The following GNB5 variants were observed in gnomAD, a reference collection of about 807,000 sequenced individuals.
GNB5 encodes the protein G protein subunit beta 5, also known as guanine nucleotide-binding protein subunit beta-5.
A neutral mutation model predicts 55.3 loss-of-function variants in GNB5; 37 were observed. That is an observed-to-expected ratio of 0.67 (90% CI 0.51 to 0.88). The LOEUF is 0.88. Ranked by LOEUF, GNB5 falls within the 40% of genes least tolerant of loss-of-function variation. GNB5 has a pLI of 0.00. For missense variants in GNB5, 476 were observed against 515.3 expected (o/e 0.92, Z 0.74); for synonymous variants, 219 against 198.5 (o/e 1.10, Z -0.87).
At chr15:52,140,018 A>AATGAGATGTCTTT in intron 7 of GNB5, 2 of 1,153,322 alleles carry the variant, frequency 1.7e-6, no homozygotes, top group Non-Finnish European at 2.2e-6. Context: ...CAGTGGCCAC[A>AATGAGATGTCTTT]GCGCCCCCTG....
intron 11 of GNB5, 118 bp from the exon 12 acceptor site, chr15:52,124,757 C>G: frequency 1.2e-6 from 1 of 824,584 alleles, no homozygotes; most frequent in Non-Finnish European, 2.0e-6. Flanking sequence ...GTCCTAGGCA[C>G]TGTGCTTTGC....
rs76043124 is a variant in GNB5, at chr15:52,141,915, C to T, written c.495-643G>A. ...CAGGATCCAGGGACCAACCAAGGCT[C>T]ACATATTGCATTCATTTGTTATGTC... On this transcript the variant is annotated intron_variant, in intron 6 of 12. Coordinates refer to ENST00000261837, the MANE Select transcript of GNB5 (RefSeq NM_016194.4). 8.1e-3 allele frequency among the ~76,000 whole-genome samples: 1,227 copies of T among 152,292 alleles called. 19 individuals are homozygous for T. The highest frequency in any genetic ancestry group is 0.028 in the African/African-American group (1,177 of 41,564).
At chr15:52,135,819 A>C in intron 7 of GNB5, 63 bp from the exon 8 acceptor site, 1 of 1,542,650 alleles carries the variant, frequency 6.5e-7, no homozygotes. Context: ...GGGGCAGTCA[A>C]TCAGAGGCTT....
At chr15:52,142,897 G>A (rs1349324903) in intron 6 of GNB5, among the ~76,000 whole-genome samples, 1 of 151,444 alleles carries the variant, frequency 6.6e-6, no homozygotes, top group Non-Finnish European at 1.5e-5. Context: ...GCTCACATCT[G>A]TAATCCTAGC....
intron 3 of GNB5, among the ~76,000 whole-genome samples, chr15:52,174,131 C>T (rs561030495): frequency 1.3e-5 from 2 of 152,164 alleles, no homozygotes; most frequent in East Asian, 1.9e-4. Context: ...CTCAGAATCA[C>T]GTGAGCCTTG....
chr15:52,179,530 C>A (rs1423569054), intron 3 of GNB5, among the ~76,000 whole-genome samples: 4 of 151,812 alleles, frequency 2.6e-5, no homozygotes, highest in Non-Finnish European at 5.9e-5. Context: ...CGCTAGCTGG[C>A]GGCGGGGGTC....
chr15:52,141,478 G>C (rs1373642923), intron 6 of GNB5, among the ~76,000 whole-genome samples: 1 of 149,996 alleles, frequency 6.7e-6, no homozygotes, highest in African/African-American at 2.5e-5. Context: ...CTGTTGGCCA[G>C]GTTGGTCTTG....
intron 7 of GNB5, chr15:52,140,133 G>T: frequency 3.6e-6 from 1 of 281,048 alleles, no homozygotes; most frequent in Non-Finnish European, 6.2e-6. Context: ...GTCAGCAATT[G>T]AACAATTACC....
In GNB5 at chr15:52,126,053, CA is replaced by C. The variant is rs756268972; in HGVS notation, c.913-10del. The C allele has an allele frequency of 1.4e-6, 2 of 1,411,300 alleles. No homozygotes were observed. The highest frequency in any genetic ancestry group is 2.8e-5 in the African/African-American group (2 of 70,818). 87.4% of individuals were successfully genotyped at this position (1,411,300 alleles called of 1,614,324 possible). On this transcript the variant is annotated splice_polypyrimidine_tract_variant and intron_variant, in intron 10 of 12. Coordinates refer to ENST00000261837, the MANE Select transcript of GNB5 (RefSeq NM_016194.4). ...AGGTCATAGAGGCGACACTGGGGAG[CA>C]AATAAATAAAGAAGCACTTACTTCT...
intron 3 of GNB5, among the ~76,000 whole-genome samples, chr15:52,157,500 TC>T (rs1448982301): frequency 6.6e-6 from 1 of 152,094 alleles, no homozygotes; most frequent in East Asian, 1.9e-4. Context: ...CACCTCCACC[TC>T]CCAAAGTGCT....
At position 52,179,520 on chromosome 15, in the gene GNB5, C is replaced by G. The variant is rs1406467814; in HGVS notation, c.238+248G>C. 7.2e-5 allele frequency among the ~76,000 whole-genome samples: 11 copies of G among 151,904 alleles called. 1 individual carries two copies. Among genetic ancestry groups the G allele is most frequent in the Admixed American group, 7.2e-4 (11 of 15,262 alleles). ...GAGGATAGCTAGTCCCGCGGTCCTC[C>G]GCTAGCTGGCGGCGGGGGTCGGCCA... On this transcript the variant is annotated intron_variant, in intron 3 of 12. Coordinates refer to ENST00000261837, the MANE Select transcript of GNB5 (RefSeq NM_016194.4).
chr15:52,174,346 A>C (rs2034608037), intron 3 of GNB5, among the ~76,000 whole-genome samples: 1 of 152,252 alleles, frequency 6.6e-6, no homozygotes. Flanking sequence ...CACTGTAACC[A>C]TATGATTCTA....
intron 2 of GNB5, among the ~76,000 whole-genome samples, chr15:52,183,124 G>GA (rs1177958267): frequency 6.6e-6 from 1 of 152,168 alleles, no homozygotes; most frequent in Non-Finnish European, 1.5e-5. Flanking sequence ...TGCTTCAATT[G>GA]AAAGCAATGG....
Position 52,116,031 on chromosome 15 carries a change from T to C in GNB5, c.*6726A>G, listed in dbSNP as rs2033136722. Reference sequence around the variant, plus strand: ...CTTTCTTTCTTTGTATTCCATTCTGTGGATGCGCCATATTTTGTTCATCGA... The same window carrying C: ...CTTTCTTTCTTTGTATTCCATTCTGCGGATGCGCCATATTTTGTTCATCGA... On this transcript the variant is annotated 3_prime_UTR_variant, in exon 13 of 13. Transcript: ENST00000261837. 1 of 152,270 alleles carries C rather than the reference T, an allele frequency of 6.6e-6. No individual in the cohort carries two copies. Among genetic ancestry groups the C allele is most frequent in the Non-Finnish European group, 1.5e-5 (1 of 68,048 alleles). 9.4% of individuals were successfully genotyped at this position (152,270 alleles called of 1,614,324 possible). A position where few individuals can be genotyped will look rare whatever the true frequency, so the allele number is the denominator to read the frequency against.
At chr15:52,161,188 A>C (rs2034323399) in intron 3 of GNB5, among the ~76,000 whole-genome samples, 1 of 152,170 alleles carries the variant, frequency 6.6e-6, no homozygotes, top group African/African-American at 2.4e-5. Flanking sequence ...TACCTTCAAT[A>C]ATGGGAGAAT....
At chr15:52,137,764 G>C (rs1480045135) in intron 7 of GNB5, 1 of 1,200,310 alleles carries the variant, frequency 8.3e-7, no homozygotes, top group African/African-American at 1.6e-5. Context: ...CCAGCTGGCG[G>C]CATCACAGAG....
chr15:52,170,252 G>T (rs961448321), intron 3 of GNB5, among the ~76,000 whole-genome samples: 1 of 152,108 alleles, frequency 6.6e-6, no homozygotes, highest in Non-Finnish European at 1.5e-5. Context: ...TCTATTAAAA[G>T]ATACATGCAC....
Position 52,117,102 on chromosome 15 carries a change from A to ATATATATATATATATATTTT in GNB5, c.*5654_*5655insAAAATATATATATATATATA. On this transcript the variant is annotated 3_prime_UTR_variant, in exon 13 of 13. Transcript: ENST00000261837. The stretch of plus-strand genomic sequence containing the variant: ...CCACGCCCAGCTAATATATATATAT[A>ATATATATATATATATATTTT]TTTTTTTTTAGTACAGACAGGGTTT... 4 of 87,096 alleles carry ATATATATATATATATATTTT rather than the reference A, an allele frequency of 4.6e-5. No individual in the cohort carries two copies. The highest frequency in any genetic ancestry group is 2.4e-4 in the African/African-American group (4 of 16,442). 5.4% of individuals were successfully genotyped at this position (87,096 alleles called of 1,614,324 possible).
At chr15:52,137,229 C>T in intron 7 of GNB5, 1 of 1,164,502 alleles carries the variant, frequency 8.6e-7, no homozygotes, top group Non-Finnish European at 1.1e-6. Flanking sequence ...CTGATGTTCG[C>T]TTGGGGAGTT....
Sources: gnomAD v4.1 joint callset for allele counts (sites outside exome capture counted in the v4.1 genomes callset) on GRCh38, gnomAD v4.1.1 for gene constraint, MANE v1.5 for transcripts, NCBI Gene and HGNC (gene_info 2026-07-23, HGNC 2026-07-21) for gene names.